The following PTPRZ1 variants were observed in gnomAD, a reference collection of about 807,000 sequenced individuals.
PTPRZ1 encodes receptor-type tyrosine-protein phosphatase zeta.
Under a neutral mutation model 214.1 loss-of-function variants are expected in PTPRZ1, and 82 were observed. The ratio of observed to expected loss-of-function variants is 0.38; its 90% CI spans 0.32 to 0.46. The LOEUF (loss-of-function observed/expected upper bound fraction) is 0.46. Among genes scored for constraint, PTPRZ1 ranks in the 20% least tolerant of loss-of-function variants. The pLI, the probability that PTPRZ1 is intolerant of heterozygous loss-of-function variation, is 1.00. For missense variants in PTPRZ1, 2,603 were observed against 2,748.7 expected, an observed-to-expected ratio of 0.95 and a Z score of 1.19; for synonymous variants, 945 against 987.9, an observed-to-expected ratio of 0.96 and a Z score of 0.81.
intron 1 of PTPRZ1, among the ~76,000 whole-genome samples, chr7:121,903,999 C>CACACAA: frequency 6.6e-6 from 1 of 151,242 alleles, no homozygotes; most frequent in South Asian, 2.1e-4. Context: ...CACACACACA[C>CACACAA]AATAGTAGGT....
chr7:121,925,486 T>A (rs1407927456), intron 1 of PTPRZ1, among the ~76,000 whole-genome samples: 2 of 152,214 alleles, frequency 1.3e-5, no homozygotes, highest in Non-Finnish European at 2.9e-5. Context: ...GATGAATGGA[T>A]GAATAAAATA....
intron 2 of PTPRZ1, among the ~76,000 whole-genome samples, chr7:121,928,815 A>G (rs1795841943): frequency 6.6e-6 from 1 of 152,220 alleles, no homozygotes; most frequent in African/African-American, 2.4e-5. Flanking sequence ...TGAAATAGTT[A>G]CAACCAAAAA....
At chr7:121,881,564 A>G (rs1794238845) in intron 1 of PTPRZ1, among the ~76,000 whole-genome samples, 1 of 152,194 alleles carries the variant, frequency 6.6e-6, no homozygotes, top group African/African-American at 2.4e-5. Flanking sequence ...TAAGGTGGAG[A>G]TATTTGCAGG....
chr7:121,891,301 T>G (rs1044218991), intron 1 of PTPRZ1, among the ~76,000 whole-genome samples: 10 of 151,936 alleles, frequency 6.6e-5, no homozygotes, highest in Non-Finnish European at 1.5e-5. Context: ...ACTCATGCAT[T>G]TTTCTAAATT....
chr7:121,990,414 G>A (rs780961286), intron 8 of PTPRZ1, among the ~76,000 whole-genome samples: 1 of 151,788 alleles, frequency 6.6e-6, no homozygotes, highest in Non-Finnish European at 1.5e-5. Flanking sequence ...TTATTAGGAA[G>A]GCATTTCTTT....
At chr7:121,910,589 CAG>C (rs61161494) in intron 1 of PTPRZ1, among the ~76,000 whole-genome samples, 8,432 of 151,714 alleles carry the variant, frequency 0.056, 568 homozygotes, top group African/African-American at 0.16. Flanking sequence ...AGTATGTAAT[CAG>C]TATATATTAG....
intron 2 of PTPRZ1, among the ~76,000 whole-genome samples, chr7:121,959,522 C>T (rs1796813903): frequency 1.3e-5 from 2 of 152,198 alleles, no homozygotes; most frequent in African/African-American, 4.8e-5. Context: ...TCACAGACAT[C>T]CCTCTTCCTT....
intron 1 of PTPRZ1, among the ~76,000 whole-genome samples, chr7:121,889,782 C>T (rs935691878): frequency 1.3e-5 from 2 of 152,260 alleles, no homozygotes; most frequent in East Asian, 3.9e-4. Flanking sequence ...TTATCAGTCT[C>T]ACCAGTGCCT....
intron 1 of PTPRZ1, among the ~76,000 whole-genome samples, chr7:121,884,709 C>T (rs1794346935): frequency 6.6e-6 from 1 of 152,110 alleles, no homozygotes; most frequent in African/African-American, 2.4e-5. Flanking sequence ...TTCTTTTTGT[C>T]TTTGAAGAGT....
intron 12 of PTPRZ1, among the ~76,000 whole-genome samples, chr7:122,015,983 A>G (rs1798830357): frequency 6.6e-6 from 1 of 152,100 alleles, no homozygotes; most frequent in Non-Finnish European, 1.5e-5. Flanking sequence ...TCCCTTTATC[A>G]AATGCATGCA....
intron 2 of PTPRZ1, among the ~76,000 whole-genome samples, chr7:121,955,487 T>C (rs1052415665): frequency 2.0e-5 from 3 of 152,096 alleles, no homozygotes; most frequent in African/African-American, 7.2e-5. Flanking sequence ...GCCGTCTCAT[T>C]GGTAATAACA....
intron 1 of PTPRZ1, among the ~76,000 whole-genome samples, chr7:121,922,162 T>A (rs1210113620): frequency 6.6e-6 from 1 of 152,202 alleles, no homozygotes; most frequent in African/African-American, 2.4e-5. Flanking sequence ...GGTCATAAAC[T>A]CAGCTTTCTT....
intron 2 of PTPRZ1, among the ~76,000 whole-genome samples, chr7:121,931,068 C>T (rs142046010): frequency 3.9e-5 from 6 of 152,214 alleles, no homozygotes; most frequent in African/African-American, 1.4e-4. Flanking sequence ...AATGCTACTT[C>T]CAGGATAAGC....
intron 2 of PTPRZ1, among the ~76,000 whole-genome samples, chr7:121,966,270 A>T (rs972354020): frequency 4.6e-5 from 7 of 152,192 alleles, no homozygotes; most frequent in African/African-American, 1.4e-4. Flanking sequence ...TTTATACATT[A>T]TATTCAGTGT....
chr7:122,018,371 T>G (rs1480857269), intron 12 of PTPRZ1, among the ~76,000 whole-genome samples: 1 of 152,234 alleles, frequency 6.6e-6, no homozygotes, highest in Non-Finnish European at 1.5e-5. Context: ...TACAGTAATG[T>G]ACCTGACTGG....
In PTPRZ1 at chr7:121,972,565, A is replaced by G; in HGVS notation, c.329A>G (p.Tyr110Cys). The G allele has an allele frequency of 1.2e-6, 2 of 1,611,396 alleles. No homozygotes were observed. Among genetic ancestry groups the G allele is most frequent in the Non-Finnish European group, 1.7e-6 (2 of 1,178,958 alleles). Reference protein sequence around the residue: ...KTVEINLTNDYRVSGGVSEMV... With the variant: ...KTVEINLTNDCRVSGGVSEMV... The stretch of plus-strand genomic sequence containing the variant: ...GTGGAAATTAATCTCACTAATGACT[A>G]CCGTGTCAGCGGAGGAGTTTCAGAA... The change falls in exon 4 of 30, where the codon TAC (tyrosine) becomes TGC (cysteine). Residue 110 changes from tyrosine to cysteine, a missense_variant. Transcript: ENST00000393386.
intron 11 of PTPRZ1, 111 bp from the exon 12 acceptor site, chr7:122,010,223 G>T (rs771860371): frequency 3.9e-6 from 4 of 1,031,398 alleles, no homozygotes. Context: ...TGTTTTATGA[G>T]GATGAGAAGT....
rs185185204 is a variant in PTPRZ1 at position 121,915,460 on chromosome 7, G to T, written c.59-12696G>T. On this transcript the variant is annotated intron_variant, in intron 1 of 29. Transcript: ENST00000393386. ...TTAGAGGTGCATATCATTTAAAATG[G>T]CAGGAGATGACAGTTTCTGCAAGCC... Among the ~76,000 whole-genome samples the T allele has an allele frequency of 7.2e-5, 11 of 152,276 alleles. No individual in the cohort carries two copies. In the East Asian group the frequency reaches 1.9e-3, roughly 27 times the overall value.
chr7:121,934,008 A>G (rs1277433987), intron 2 of PTPRZ1, among the ~76,000 whole-genome samples: 1 of 152,138 alleles, frequency 6.6e-6, no homozygotes, highest in Non-Finnish European at 1.5e-5. Context: ...CTGTTAAAAA[A>G]TATGTATTTA....
Sources: allele counts gnomAD v4.1 joint callset (sites outside exome capture counted in the v4.1 genomes callset), GRCh38; gene constraint gnomAD v4.1.1; transcripts MANE v1.5; gene names NCBI Gene and HGNC (gene_info 2026-07-23, HGNC 2026-07-21).